Variants in SNX13 observed in about 807,000 individuals in gnomAD.
SNX13 encodes sorting nexin 13, also known as sorting nexin-13.
SNX13 carries 45 observed loss-of-function variants against 133.6 expected under a neutral mutation model. The ratio of observed to expected loss-of-function variants is 0.34; its 90% CI spans 0.27 to 0.43. The LOEUF is 0.43. SNX13 is among the 20% of genes least tolerant of loss of function. The pLI is 1.00. For missense variants in SNX13, 1,032 were observed against 1,145.1 expected (o/e 0.90, Z 1.43); for synonymous variants, 414 against 373.9 (o/e 1.11, Z -1.24).
intron 3 of SNX13, among the ~76,000 whole-genome samples, 169 bp downstream of exon 3, chr7:17,893,163 T>C (rs997395939): frequency 1.3e-5 from 2 of 152,236 alleles, no homozygotes; most frequent in African/African-American, 2.4e-5. Flanking sequence ...GTTTTTAAGA[T>C]GGCCTTTTAA....
At chr7:17,850,472 T>C (rs1791076175) in intron 10 of SNX13, 37 bp from the exon 11 acceptor site, 1 of 1,272,078 alleles carries the variant, frequency 7.9e-7, no homozygotes, top group Non-Finnish European at 1.1e-6. Context: ...AAAGTGGTAG[T>C]GTTATTTATG....
At chr7:17,933,467 C>G (rs1479208759) in intron 1 of SNX13, among the ~76,000 whole-genome samples, 1 of 151,766 alleles carries the variant, frequency 6.6e-6, no homozygotes, top group Non-Finnish European at 1.5e-5. Flanking sequence ...CGCTTGAACC[C>G]GTGAGACAGA....
In SNX13 at chr7:17,805,250, T is replaced by TGTGTGTGTGTGTGTGTGC; in HGVS notation, c.2065-1671_2065-1670insGCACACACACACACACAC. 7.5e-4 allele frequency among the ~76,000 whole-genome samples: 72 copies of TGTGTGTGTGTGTGTGTGC among 95,574 alleles called. 1 individual carries two copies. Among genetic ancestry groups the TGTGTGTGTGTGTGTGTGC allele is most frequent in the African/African-American group, 1.7e-3 (54 of 31,852 alleles). The allele number at this position is 95,574 out of a possible 152,430, so 62.7% of individuals were successfully genotyped here. A position where few individuals can be genotyped will look rare whatever the true frequency, so the allele number is the denominator to read the frequency against. On this transcript the variant is annotated intron_variant, in intron 20 of 25. Coordinates refer to ENST00000428135, the MANE Select transcript of SNX13 (RefSeq NM_015132.5). The stretch of plus-strand genomic sequence containing the variant: ...GTGTGTGTGTGTGTGTGTGTGTGTG[T>TGTGTGTGTGTGTGTGTGC]GCGTGCGCGCGCGCGCATGCATGCA...
intron 20 of SNX13, among the ~76,000 whole-genome samples, chr7:17,805,244 TGTGTGTGCGTGC>T (rs1197857123): frequency 4.2e-4 from 45 of 107,362 alleles, no homozygotes; most frequent in African/African-American, 1.3e-3. Flanking sequence ...TGTGTGTGTG[TGTGTGTGCGTGC>T]GCGCGCGCGC....
At position 17,806,824 on chromosome 7, in the gene SNX13, G is replaced by A. The variant is rs559607952; in HGVS notation, c.2065-3244C>T. Among the ~76,000 whole-genome samples the A allele has an allele frequency of 1.3e-4, 20 of 152,294 alleles. 1 individual carries two copies. In the South Asian group the frequency reaches 3.5e-3, roughly 27 times the overall value. On this transcript the variant is annotated intron_variant, in intron 20 of 25. Transcript: ENST00000428135. The stretch of plus-strand genomic sequence containing the variant: ...ACAGAGGGCGAGCTGAAGCAGGGTG[G>A]GGCGTCGCGTCACGCGGGAAGTGGA...
chr7:17,897,667 T>C (rs756253694), intron 1 of SNX13, among the ~76,000 whole-genome samples: 3 of 152,086 alleles, frequency 2.0e-5, no homozygotes, highest in Admixed American at 6.5e-5. Context: ...GCATCTGCAA[T>C]TACTTTTTTA....
chr7:17,827,839 T>C (rs1562713753), intron 16 of SNX13, among the ~76,000 whole-genome samples: 1 of 152,028 alleles, frequency 6.6e-6, no homozygotes, highest in East Asian at 1.9e-4. Flanking sequence ...GCACAACCTT[T>C]ACTTCAATAT....
intron 1 of SNX13, among the ~76,000 whole-genome samples, chr7:17,913,767 A>C (rs1465924721): frequency 1.9e-4 from 29 of 149,228 alleles, no homozygotes; most frequent in East Asian, 4.0e-4. Context: ...AAACAAAAAA[A>C]AAAAAAAAAA....
intron 5 of SNX13, among the ~76,000 whole-genome samples, chr7:17,877,881 T>C (rs1029379145): frequency 1.3e-5 from 2 of 151,936 alleles, no homozygotes; most frequent in African/African-American, 4.8e-5. Flanking sequence ...ACTGACTTCA[T>C]GCAAACTTAA....
chr7:17,815,786 C>T (rs1786587855), intron 19 of SNX13, among the ~76,000 whole-genome samples: 1 of 151,982 alleles, frequency 6.6e-6, no homozygotes, highest in African/African-American at 2.4e-5. Context: ...TATAATACAT[C>T]GACATCTAAA....
intron 9 of SNX13, among the ~76,000 whole-genome samples, chr7:17,861,004 T>C (rs936249532): frequency 1.3e-5 from 2 of 152,134 alleles, no homozygotes; most frequent in African/African-American, 2.4e-5. Flanking sequence ...GAACATAGTA[T>C]GTGTTTCCAT....
chr7:17,919,132 A>C (rs1466561247), intron 1 of SNX13, among the ~76,000 whole-genome samples: 5 of 152,200 alleles, frequency 3.3e-5, no homozygotes, highest in African/African-American at 9.6e-5. Flanking sequence ...AAAACTACTT[A>C]TTTAGTGCTG....
chr7:17,849,532 G>A (rs1402511893), intron 11 of SNX13, among the ~76,000 whole-genome samples: 1 of 151,966 alleles, frequency 6.6e-6, no homozygotes, highest in African/African-American at 2.4e-5. Context: ...TCACTTGTCA[G>A]GGCAAATCTC....
chr7:17,890,252 C>A, intron 5 of SNX13, 111 bp downstream of exon 5: 2 of 979,658 alleles, frequency 2.0e-6, no homozygotes, highest in African/African-American at 1.7e-5. Flanking sequence ...TAATAATCTG[C>A]TGTTCTACTT....
At chr7:17,850,507 G>GT in intron 10 of SNX13, 72 bp from the exon 11 acceptor site, 1 of 889,834 alleles carries the variant, frequency 1.1e-6, no homozygotes, top group Non-Finnish European at 1.6e-6. Flanking sequence ...TGCACTTACT[G>GT]TAATTTAACA....
At chr7:17,912,592 G>A (rs1008189351) in intron 1 of SNX13, among the ~76,000 whole-genome samples, 11 of 151,994 alleles carry the variant, frequency 7.2e-5, no homozygotes, top group Non-Finnish European at 1.3e-4. Flanking sequence ...TGTATTTCTA[G>A]TAGAGACGGG....
intron 13 of SNX13, among the ~76,000 whole-genome samples, chr7:17,837,133 T>C (rs913537469): frequency 2.8e-4 from 42 of 152,076 alleles, no homozygotes; most frequent in Non-Finnish European, 8.8e-5. Flanking sequence ...AAATAAACTT[T>C]TTAAAAAAAA....
rs772284694 is a variant in SNX13 at position 17,803,586 on chromosome 7, G to A, written c.2065-6C>T. On this transcript the variant is annotated splice_polypyrimidine_tract_variant and splice_region_variant and intron_variant, in intron 20 of 25. Coordinates refer to ENST00000428135, the MANE Select transcript of SNX13 (RefSeq NM_015132.5). ...GGATTTACAAAAGTGTCCATCTAAAGGGAAAAAAGATATTATACCATGACT... is the reference window on the plus strand; with the variant it reads ...GGATTTACAAAAGTGTCCATCTAAAAGGAAAAAAGATATTATACCATGACT... 7.5e-6 allele frequency: 12 copies of A among 1,595,194 alleles called. No individual in the cohort carries two copies. In the East Asian group the frequency reaches 2.7e-4, roughly 36 times the overall value.
intron 2 of SNX13, 34 bp downstream of exon 2, chr7:17,897,300 C>T (rs749840464): frequency 1.7e-6 from 2 of 1,211,208 alleles, no homozygotes; most frequent in Admixed American, 4.8e-5. Context: ...AGATATGACA[C>T]ATGAATTATA....
Sources: gnomAD v4.1 joint callset for allele counts (sites outside exome capture counted in the v4.1 genomes callset) on GRCh38, gnomAD v4.1.1 for gene constraint, MANE v1.5 for transcripts, NCBI Gene and HGNC (gene_info 2026-07-23, HGNC 2026-07-21) for gene names.